AMZ1: variants seen among roughly 807,000 people sequenced by gnomAD.
AMZ1 encodes the protein archaelysin family metallopeptidase 1.
AMZ1 carries 39 observed loss-of-function variants against 29.9 expected under a neutral mutation model. The observed-to-expected ratio is 1.30, with a 90% confidence interval of 1.01 to 1.70. The LOEUF (loss-of-function observed/expected upper bound fraction) is 1.70. AMZ1 is among the 40% of genes most tolerant of loss of function. AMZ1 has a pLI of 0.00. For missense variants in AMZ1, 1,041 were observed against 680.6 expected (o/e 1.53, Z -5.89); for synonymous variants, 458 against 304.0 (o/e 1.51, Z -5.27).
downstream of AMZ1, among the ~76,000 whole-genome samples, chr7:2,723,812 G>C (rs1253360832): frequency 1.3e-5 from 2 of 152,218 alleles, no homozygotes; most frequent in Non-Finnish European, 2.9e-5. Flanking sequence ...CCCCGGAGCT[G>C]GGCCTGGAGG....
At chr7:2,744,834 G>T (rs1216233795) in intron 4 of AMZ1, among the ~76,000 whole-genome samples, 1 of 152,208 alleles carries the variant, frequency 6.6e-6, no homozygotes, top group African/African-American at 2.4e-5. Flanking sequence ...AGGACCTGAT[G>T]GAGCTGAAAA....
rs1243376688 is a variant in AMZ1 at position 2,748,805 on chromosome 7, A to C, written n.551-15907A>C. ...CCAGAATCTACAATGAACTCAAACA[A>C]ATTTACAAGAAAAAAACAAACAACC... On this transcript the variant is annotated intron_variant and non_coding_transcript_variant, in intron 4 of 4. Transcript: ENST00000489665. Among the ~76,000 whole-genome samples the C allele has an allele frequency of 5.3e-5, 8 of 152,208 alleles. No individual in the cohort carries two copies. The East Asian group carries it at 1.3e-3, about 26-fold the overall frequency.
At chr7:2,704,402 T>C (rs1436043204) in intron 3 of AMZ1, among the ~76,000 whole-genome samples, 1 of 152,026 alleles carries the variant, frequency 6.6e-6, no homozygotes, top group East Asian at 1.9e-4. Context: ...CTTGGGAGGC[T>C]GAGAGTTTGA....
In AMZ1 at chr7:2,746,640, C is replaced by T. The variant is rs182265784; in HGVS notation, n.551-18072C>T. 9.5e-3 allele frequency among the ~76,000 whole-genome samples: 1,441 copies of T among 152,170 alleles called. 12 individuals are homozygous for T. Among genetic ancestry groups the T allele is most frequent in the Middle Eastern group, 0.075 (22 of 294 alleles). On this transcript the variant is annotated intron_variant and non_coding_transcript_variant, in intron 4 of 4. Transcript: ENST00000489665. ...AAGCAAGAACAAACACATTCAAAAGCCAGCAGAAGGCAAGAAATAACTAAG... is the reference window on the plus strand; with the variant it reads ...AAGCAAGAACAAACACATTCAAAAGTCAGCAGAAGGCAAGAAATAACTAAG...
At position 2,714,439 on chromosome 7, in the gene AMZ1, A is replaced by G. The variant is rs1788999962; in HGVS notation, c.*1561A>G. The G allele has an allele frequency of 6.6e-6, 1 of 152,372 alleles. No homozygotes were observed. Among genetic ancestry groups the G allele is most frequent in the African/African-American group, 2.4e-5 (1 of 41,456 alleles). 9.4% of individuals were successfully genotyped at this position (152,372 alleles called of 1,614,324 possible). A position where few individuals can be genotyped will look rare whatever the true frequency, so the allele number is the denominator to read the frequency against. On this transcript the variant is annotated 3_prime_UTR_variant, in exon 7 of 7. Transcript: ENST00000683327. The stretch of plus-strand genomic sequence containing the variant: ...AGCAAAGATGCAGCTCAGAAGTAGC[A>G]TTAGGATCTTCGTCCCGTTCTCTTT...
In AMZ1 at chr7:2,688,516, C is replaced by T. The variant is rs533865894; in HGVS notation, c.-219+220C>T. ...GCGCCGCGCCGGGGTCCGCACAGCC[C>T]CGGCAGGTCCTGCAGAGGGAAGGCC... On this transcript the variant is annotated intron_variant, in intron 1 of 6. Transcript: ENST00000683327. 4.8e-4 allele frequency among the ~76,000 whole-genome samples: 73 copies of T among 152,274 alleles called. 1 individual carries two copies. The highest frequency in any genetic ancestry group is 6.8e-3 in the Middle Eastern group (2 of 292).
chr7:2,688,050 G>C (rs1240471640), upstream of AMZ1, among the ~76,000 whole-genome samples: 1 of 152,172 alleles, frequency 6.6e-6, no homozygotes, highest in Non-Finnish European at 1.5e-5. Flanking sequence ...AGGGTCCCAC[G>C]TGAGCTCCAC....
chr7:2,701,712 C>G (rs1467959426), intron 2 of AMZ1, among the ~76,000 whole-genome samples: 1 of 152,220 alleles, frequency 6.6e-6, no homozygotes, highest in Non-Finnish European at 1.5e-5. Flanking sequence ...CGCACCACGC[C>G]TTTCGGCATC....
At chr7:2,732,936 C>T (rs1419842245) in intron 4 of AMZ1, among the ~76,000 whole-genome samples, 1 of 152,150 alleles carries the variant, frequency 6.6e-6, no homozygotes, top group Non-Finnish European at 1.5e-5. Flanking sequence ...ATTAATGAGA[C>T]AACAGGGAAA....
At chr7:2,694,350 A>G (rs750834506) in intron 1 of AMZ1, among the ~76,000 whole-genome samples, 4 of 152,220 alleles carry the variant, frequency 2.6e-5, no homozygotes, top group Admixed American at 1.3e-4. Flanking sequence ...GCCTTCGGAC[A>G]TGAGCTGAGT....
At chr7:2,729,520 C>T (rs1403948046) in intron 4 of AMZ1, 1 of 152,246 alleles carries the variant, frequency 6.6e-6, no homozygotes, top group Non-Finnish European at 1.5e-5. Context: ...ATGCTGTCTC[C>T]CGATGAGAAC....
chr7:2,741,288 G>A (rs866229372), intron 4 of AMZ1, among the ~76,000 whole-genome samples: 1 of 152,128 alleles, frequency 6.6e-6, no homozygotes. Context: ...CCAGGAGGTT[G>A]AGGATGCAGT....
At position 2,714,454 on chromosome 7, in the gene AMZ1, C is replaced by A. The variant is rs190358118; in HGVS notation, c.*1576C>A. 1 of 152,300 alleles carries A rather than the reference C, an allele frequency of 6.6e-6. No homozygotes were observed. Among genetic ancestry groups the A allele is most frequent in the African/African-American group, 2.4e-5 (1 of 41,420 alleles). The allele number at this position is 152,300 out of a possible 1,614,324, so 9.4% of individuals were successfully genotyped here. ...CAGAAGTAGCATTAGGATCTTCGTC[C>A]CGTTCTCTTTTGCGTAGCTTCAAAA... On this transcript the variant is annotated 3_prime_UTR_variant, in exon 7 of 7. Coordinates refer to ENST00000683327, the MANE Select transcript of AMZ1 (RefSeq NM_001384743.1).
At chr7:2,683,173 C>A (rs570452571) in intron 1 of AMZ1, among the ~76,000 whole-genome samples, 1 of 152,230 alleles carries the variant, frequency 6.6e-6, no homozygotes, top group Non-Finnish European at 1.5e-5. Flanking sequence ...GGATGAGTTT[C>A]CTGCGGCTGC....
chr7:2,719,366 C>A lies in AMZ1; in HGVS notation c.*6488C>A, dbSNP rs998546611. On this transcript the variant is annotated 3_prime_UTR_variant, in exon 7 of 7. Coordinates refer to ENST00000683327, the MANE Select transcript of AMZ1 (RefSeq NM_001384743.1). ...GAGCAATGCCTAAAGAGGGCAAAGGCCCGCGCGCCTGGCAGAGCTCCCTCC... is the reference window on the plus strand; with the variant it reads ...GAGCAATGCCTAAAGAGGGCAAAGGACCGCGCGCCTGGCAGAGCTCCCTCC... 6.6e-6 allele frequency among the ~76,000 whole-genome samples: 1 copy of A among 152,228 alleles called. No individual in the cohort carries two copies. The highest frequency in any genetic ancestry group is 2.4e-5 in the African/African-American group (1 of 41,462).
At position 2,712,383 on chromosome 7, in the gene AMZ1, G is replaced by C. The variant is rs149183728; in HGVS notation, c.1002G>C (p.Ala334=). 5.6e-6 allele frequency: 9 copies of C among 1,608,074 alleles called. No individual in the cohort carries two copies. Among genetic ancestry groups the C allele is most frequent in the African/African-American group, 4.0e-5 (3 of 74,880 alleles). ...TGGGGACGTGGCCCAGCCAGGAGGC[G>C]GGGGAGCCGTCAGTGTGGGAGGACA... ...AVVGTWPSQE[A]GEPSVWEDTP... is the part of the protein sequence containing the mutation. The change falls in exon 7 of 7, where the codon GCG becomes GCC. Residue 334 remains alanine (A), a synonymous_variant. Coordinates refer to ENST00000683327, the MANE Select transcript of AMZ1 (RefSeq NM_001384743.1).
chr7:2,744,268 C>T (rs1322856450), intron 4 of AMZ1, among the ~76,000 whole-genome samples: 1 of 152,210 alleles, frequency 6.6e-6, no homozygotes, highest in African/African-American at 2.4e-5. Flanking sequence ...GAGGCACCCC[C>T]CAGTAGGGGC....
At chr7:2,695,583 C>G (rs942889676) in intron 1 of AMZ1, among the ~76,000 whole-genome samples, 2 of 150,734 alleles carry the variant, frequency 1.3e-5, no homozygotes, top group Non-Finnish European at 2.9e-5. Flanking sequence ...CGTGTTGGTA[C>G]ATGTCCGTAG....
At chr7:2,692,918 C>A (rs1437725104) in intron 1 of AMZ1, among the ~76,000 whole-genome samples, 1 of 152,208 alleles carries the variant, frequency 6.6e-6, no homozygotes, top group African/African-American at 2.4e-5. Flanking sequence ...CCCCTGAGCC[C>A]CCAGACGTAT....
Sources: allele counts gnomAD v4.1 joint callset (sites outside exome capture counted in the v4.1 genomes callset), GRCh38; gene constraint gnomAD v4.1.1; transcripts MANE v1.5; gene names NCBI Gene and HGNC (gene_info 2026-07-23, HGNC 2026-07-21).